Variants in TET2 observed in about 807,000 individuals in gnomAD.
The protein encoded by TET2 is tet methylcytosine dioxygenase 2, also known as methylcytosine dioxygenase TET2.
TET2 carries 299 observed loss-of-function variants against 142.9 expected under a neutral mutation model. The observed-to-expected ratio is 2.09, with a 90% CI of 1.90 to 2.30. TET2 has a LOEUF of 2.30. Ranked by LOEUF, TET2 falls within the 30% of genes most tolerant of loss-of-function variation. The pLI is 0.00. For missense variants in TET2, 2,418 were observed against 2,378.0 expected (o/e 1.02, Z -0.35); for synonymous variants, 819 against 849.0 (o/e 0.96, Z 0.61).
rs1729290588 is a variant in TET2, at chr4:105,241,410, A to G, written c.3481A>G (p.Arg1161Gly). The G allele has an allele frequency of 1.9e-6, 3 of 1,550,162 alleles. No homozygotes were observed. The highest frequency in any genetic ancestry group is 2.6e-6 in the Non-Finnish European group (3 of 1,146,554). The change falls in exon 4 of 11, where the codon AGA (arginine) becomes GGA (glycine). Residue 1161 changes from arginine (R) to glycine (G), a missense_variant. By Grantham distance (125) the Arg-to-Gly change is moderately radical (BLOSUM62 -2). Coordinates refer to ENST00000380013, the MANE Select transcript of TET2 (RefSeq NM_001127208.3). ...AGCAGGTCCTAATGTGGCAGCTATT[A>G]GAGAAATCATGGAAGAAAGGTAATT... is the stretch of plus-strand genomic sequence containing the variant. Reference protein sequence around the residue: ...LGAGPNVAAIREIMEERFGQK... With the variant: ...LGAGPNVAAIGEIMEERFGQK...
At chr4:105,211,251 T>C (rs1194367484) in intron 2 of TET2, among the ~76,000 whole-genome samples, 2 of 152,198 alleles carry the variant, frequency 1.3e-5, no homozygotes, top group East Asian at 3.8e-4. Context: ...ATCTAAATAG[T>C]CCTGTTTTAG....
intron 2 of TET2, among the ~76,000 whole-genome samples, chr4:105,231,705 C>T (rs1206925951): frequency 6.6e-6 from 1 of 151,888 alleles, no homozygotes; most frequent in Non-Finnish European, 1.5e-5. Flanking sequence ...GTTTTTCGCC[C>T]AAAAAGAAAA....
chr4:105,157,369 G>GA (rs1723620346), intron 1 of TET2, among the ~76,000 whole-genome samples: 1 of 151,962 alleles, frequency 6.6e-6, no homozygotes, highest in Admixed American at 6.6e-5. Flanking sequence ...ATTTTAGCAG[G>GA]AAAAAACACA....
chr4:105,167,911 G>A (rs1211948402), intron 1 of TET2, among the ~76,000 whole-genome samples: 1 of 152,142 alleles, frequency 6.6e-6, no homozygotes, highest in African/African-American at 2.4e-5. Context: ...TAGCTTTAAG[G>A]AATGAAGGAA....
At chr4:105,170,876 GC>G (rs1215397042) in intron 1 of TET2, among the ~76,000 whole-genome samples, 6 of 152,278 alleles carry the variant, frequency 3.9e-5, no homozygotes, top group African/African-American at 9.6e-5. Flanking sequence ...GGGTGCTCAA[GC>G]CTCCTGCAAG....
intron 6 of TET2, among the ~76,000 whole-genome samples, chr4:105,254,367 C>T (rs1730017690): frequency 6.6e-6 from 1 of 152,062 alleles, no homozygotes; most frequent in Admixed American, 6.6e-5. Context: ...GTCCATTTCA[C>T]CTTGATTATT....
chr4:105,263,459 G>A (rs987379740), intron 8 of TET2, among the ~76,000 whole-genome samples: 1 of 152,210 alleles, frequency 6.6e-6, no homozygotes, highest in African/African-American at 2.4e-5. Context: ...GGAGCTTAGA[G>A]AACTTGGTGA....
chr4:105,240,987 G>A (rs965346800), intron 3 of TET2: 17 of 1,029,416 alleles, frequency 1.7e-5, no homozygotes, highest in Admixed American at 1.1e-4. Context: ...AGCTTTAAAT[G>A]TTTTTTTTTT....
At chr4:105,245,319 A>G (rs879556749) in intron 6 of TET2, among the ~76,000 whole-genome samples, 2 of 151,906 alleles carry the variant, frequency 1.3e-5, no homozygotes, top group Admixed American at 1.3e-4. Flanking sequence ...ATGATGGACT[A>G]CTTTAAGCAT....
intron 6 of TET2, among the ~76,000 whole-genome samples, chr4:105,248,848 A>G (rs373529187): frequency 3.7e-4 from 57 of 152,218 alleles, no homozygotes; most frequent in African/African-American, 1.2e-3. Context: ...GCAACCACAA[A>G]TAAACATTCA....
At chr4:105,172,626 A>G (rs1420788497) in intron 1 of TET2, 7 of 152,086 alleles carry the variant, frequency 4.6e-5, no homozygotes, top group African/African-American at 1.7e-4. Flanking sequence ...TTTGTAAGTG[A>G]CCTTGTTAAT....
chr4:105,212,994 G>GA (rs964408990), intron 2 of TET2, among the ~76,000 whole-genome samples: 20 of 147,352 alleles, frequency 1.4e-4, no homozygotes, highest in South Asian at 2.1e-4. Context: ...TGTCTCAGAG[G>GA]AAAAAAAAAA....
intron 1 of TET2, among the ~76,000 whole-genome samples, chr4:105,188,240 A>T (rs1182175393): frequency 2.6e-5 from 4 of 152,244 alleles, no homozygotes; most frequent in African/African-American, 7.2e-5. Context: ...TCTTGTATAC[A>T]TTCTACTAAG....
At chr4:105,162,185 T>C (rs1451956705) in intron 1 of TET2, among the ~76,000 whole-genome samples, 2 of 152,190 alleles carry the variant, frequency 1.3e-5, no homozygotes, top group Non-Finnish European at 2.9e-5. Flanking sequence ...TTGGTGATGA[T>C]AACATTCGTG....
In TET2 at chr4:105,244,849, C is replaced by T. The variant is rs1302428529; in HGVS notation, c.3803+1071C>T. On this transcript the variant is annotated intron_variant, in intron 6 of 10. Coordinates refer to ENST00000380013, the MANE Select transcript of TET2 (RefSeq NM_001127208.3). ...ACCTCAGGTGATTGCCCACCTCGGC[C>T]TCCCAAAGTGCCTTACAGGCATGAG... Among the ~76,000 whole-genome samples, 3 of 152,194 alleles carry T rather than the reference C, an allele frequency of 2.0e-5. No individual in the cohort carries two copies. In the East Asian group the frequency reaches 5.8e-4, roughly 29 times the overall value.
chr4:105,235,127 T>G lies in TET2; in HGVS notation c.1185T>G (p.Thr395=). ...SVFTKDSFSA[T]TTPPPPSQLL... ...TCACTAAGGATTCCTTTTCTGCCAC[T>G]ACCACACCACCACCACCATCACAAT... Residue 395 remains threonine (T), a synonymous_variant, in exon 3 of 11, where the codon ACT becomes ACG. Transcript: ENST00000380013. The G allele has an allele frequency of 6.2e-7, 1 of 1,613,804 alleles. No individual in the cohort carries two copies. The highest frequency in any genetic ancestry group is 8.5e-7 in the Non-Finnish European group (1 of 1,179,874).
chr4:105,212,544 A>G (rs1727232223), intron 2 of TET2, among the ~76,000 whole-genome samples: 1 of 152,182 alleles, frequency 6.6e-6, no homozygotes, highest in Non-Finnish European at 1.5e-5. Context: ...TCATTTATGC[A>G]TACTAAATCA....
intron 2 of TET2, among the ~76,000 whole-genome samples, chr4:105,204,746 T>C (rs1726715194): frequency 6.6e-6 from 1 of 152,182 alleles, no homozygotes; most frequent in Non-Finnish European, 1.5e-5. Context: ...TTCTAATTTA[T>C]TGGTTTAAAA....
At chr4:105,214,690 G>T (rs1326271581) in intron 2 of TET2, among the ~76,000 whole-genome samples, 2 of 151,780 alleles carry the variant, frequency 1.3e-5, no homozygotes, top group Non-Finnish European at 1.5e-5. Context: ...TGATCATGAA[G>T]CCTCCATAAA....
Sources: allele counts gnomAD v4.1 joint callset (sites outside exome capture counted in the v4.1 genomes callset), GRCh38; gene constraint gnomAD v4.1.1; transcripts MANE v1.5; gene names NCBI Gene and HGNC (gene_info 2026-07-23, HGNC 2026-07-21).